The following RABGAP1L variants were observed in gnomAD, a reference collection of about 807,000 sequenced individuals.
RABGAP1L encodes RAB GTPase activating protein 1 like.
Under a neutral mutation model 137.7 loss-of-function variants are expected in RABGAP1L, and 63 were observed. That is an observed-to-expected ratio of 0.46 (90% confidence interval 0.37 to 0.56). The LOEUF is 0.56. Among genes scored for constraint, RABGAP1L ranks in the 20% least tolerant of loss-of-function variants. RABGAP1L has a pLI of 0.00. For missense variants in RABGAP1L, 1,095 were observed against 1,244.0 expected (o/e 0.88, Z 1.80); for synonymous variants, 431 against 433.7 (o/e 0.99, Z 0.08).
At chr1:174,885,459 G>A (rs1654919034) in intron 19 of RABGAP1L, among the ~76,000 whole-genome samples, 1 of 152,154 alleles carries the variant, frequency 6.6e-6, no homozygotes, top group Non-Finnish European at 1.5e-5. Context: ...CTAGGATCAG[G>A]TGATCCTCTC....
chr1:174,630,152 C>T (rs1405458127), intron 13 of RABGAP1L, among the ~76,000 whole-genome samples: 2 of 151,388 alleles, frequency 1.3e-5, no homozygotes, highest in African/African-American at 2.4e-5. Flanking sequence ...TTGAGATAAT[C>T]GTGGTTTTTG....
At chr1:174,349,863 A>AC (rs769557346) in intron 11 of RABGAP1L, among the ~76,000 whole-genome samples, 20,049 of 81,490 alleles carry the variant, frequency 0.25, no homozygotes, top group African/African-American at 0.34. Context: ...CGGGGCGCTG[A>AC]CCCCCCCACC....
rs35881602 is a variant in RABGAP1L, at chr1:174,347,493, G to T, written c.1466-23486G>T. Among the ~76,000 whole-genome samples the T allele has an allele frequency of 2.7e-3, 225 of 82,532 alleles. 1 individual carries two copies. Among genetic ancestry groups the T allele is most frequent in the Non-Finnish European group, 1.6e-3 (66 of 40,080 alleles). 54.1% of individuals were successfully genotyped at this position (82,532 alleles called of 152,430 possible). A position where few individuals can be genotyped will look rare whatever the true frequency, so the allele number is the denominator to read the frequency against. On this transcript the variant is annotated intron_variant, in intron 11 of 25. Transcript: ENST00000681986. ...TCTTTGTGTGTGTGTGTGTGTGTGT[G>T]TGTGTGTTTTTTTCTTTGAGACTGA...
chr1:174,445,186 T>C (rs1446599851), intron 13 of RABGAP1L, among the ~76,000 whole-genome samples: 1 of 152,132 alleles, frequency 6.6e-6, no homozygotes, highest in Non-Finnish European at 1.5e-5. Flanking sequence ...TCTGACATAA[T>C]TTGTAAATTA....
At chr1:174,708,904 A>G (rs1207570242) in intron 17 of RABGAP1L, among the ~76,000 whole-genome samples, 1 of 152,178 alleles carries the variant, frequency 6.6e-6, no homozygotes, top group African/African-American at 2.4e-5. Context: ...ATGGCATCCA[A>G]CAAGCTAAGA....
chr1:174,180,509 C>T (rs1666264690), intron 1 of RABGAP1L, among the ~76,000 whole-genome samples: 1 of 152,130 alleles, frequency 6.6e-6, no homozygotes, highest in South Asian at 2.1e-4. Context: ...CTGTCACCTA[C>T]CTTAGAGTAC....
At chr1:174,677,426 A>C (rs947354157) in intron 14 of RABGAP1L, among the ~76,000 whole-genome samples, 67 of 152,342 alleles carry the variant, frequency 4.4e-4, no homozygotes, top group African/African-American at 1.6e-3. Flanking sequence ...TCTGTTACAA[A>C]TTACTGGAGG....
chr1:174,803,403 G>C lies in RABGAP1L; in HGVS notation c.2212-8429G>C, dbSNP rs1356208154. ...CATTCACCAAACATGTTTTTCTTTT[G>C]TGAAATTAAAATACTGAAACAGGAG... On this transcript the variant is annotated intron_variant, in intron 18 of 25. Coordinates refer to ENST00000681986, the MANE Select transcript of RABGAP1L (RefSeq NM_001366446.1). 2.0e-5 allele frequency among the ~76,000 whole-genome samples: 3 copies of C among 152,084 alleles called. No individual in the cohort carries two copies. The East Asian group carries it at 5.8e-4, about 29-fold the overall frequency.
intron 10 of RABGAP1L, among the ~76,000 whole-genome samples, chr1:174,298,882 C>T (rs553784706): frequency 2.6e-5 from 4 of 152,210 alleles, no homozygotes; most frequent in Non-Finnish European, 5.9e-5. Flanking sequence ...GTACATTACC[C>T]ATCCCTTTTG....
At chr1:174,829,819 A>AT (rs1029201256) in intron 19 of RABGAP1L, among the ~76,000 whole-genome samples, 1 of 148,410 alleles carries the variant, frequency 6.7e-6, no homozygotes, top group East Asian at 2.1e-4. Flanking sequence ...TTGATGTACA[A>AT]TTTTTTATGC....
At chr1:174,527,535 G>A (rs923980524) in intron 13 of RABGAP1L, among the ~76,000 whole-genome samples, 4 of 152,108 alleles carry the variant, frequency 2.6e-5, no homozygotes, top group African/African-American at 9.7e-5. Flanking sequence ...AATTTATTGA[G>A]ACTTGTTTTG....
At chr1:174,451,180 G>A (rs1342527608) in intron 13 of RABGAP1L, among the ~76,000 whole-genome samples, 1 of 152,138 alleles carries the variant, frequency 6.6e-6, no homozygotes, top group Non-Finnish European at 1.5e-5. Flanking sequence ...TGGTTTAAAT[G>A]TGCCTTTTAA....
At chr1:174,624,607 A>C (rs1394440803) in intron 13 of RABGAP1L, among the ~76,000 whole-genome samples, 1 of 152,170 alleles carries the variant, frequency 6.6e-6, no homozygotes, top group African/African-American at 2.4e-5. Context: ...TATACTTATA[A>C]ATTTCTGAGG....
chr1:174,767,328 G>GT (rs1290612909), intron 18 of RABGAP1L, among the ~76,000 whole-genome samples: 3 of 152,046 alleles, frequency 2.0e-5, no homozygotes, highest in Admixed American at 6.6e-5. Context: ...TGAACATGAG[G>GT]TTTTTTCACA....
intron 21 of RABGAP1L, among the ~76,000 whole-genome samples, chr1:174,973,365 T>A (rs1670319330): frequency 6.6e-6 from 1 of 151,582 alleles, no homozygotes; most frequent in African/African-American, 2.4e-5. Flanking sequence ...CCCCCTTTTC[T>A]TTTCTTTTTC....
chr1:174,930,359 C>T (rs1021075724), intron 19 of RABGAP1L, among the ~76,000 whole-genome samples: 3 of 150,302 alleles, frequency 2.0e-5, no homozygotes, highest in African/African-American at 7.4e-5. Flanking sequence ...CAGGATCTTG[C>T]TGTGTTACCC....
chr1:174,745,680 T>C (rs1362607888), intron 17 of RABGAP1L, among the ~76,000 whole-genome samples: 1 of 152,190 alleles, frequency 6.6e-6, no homozygotes, highest in Non-Finnish European at 1.5e-5. Flanking sequence ...GTGAAAAATA[T>C]AAAATACTGG....
intron 1 of RABGAP1L, among the ~76,000 whole-genome samples, chr1:174,186,533 T>G (rs1369282438): frequency 6.6e-6 from 1 of 152,208 alleles, no homozygotes; most frequent in Non-Finnish European, 1.5e-5. Context: ...TATAGATCCC[T>G]GCTCCCCTTC....
At chr1:174,575,102 G>A (rs1270204605) in intron 13 of RABGAP1L, among the ~76,000 whole-genome samples, 4 of 152,038 alleles carry the variant, frequency 2.6e-5, no homozygotes, top group Non-Finnish European at 4.4e-5. Flanking sequence ...GGCTAATTTT[G>A]TATTTTTAGT....
Sources: gnomAD v4.1 joint callset for allele counts (sites outside exome capture counted in the v4.1 genomes callset) on GRCh38, gnomAD v4.1.1 for gene constraint, MANE v1.5 for transcripts, NCBI Gene and HGNC (gene_info 2026-07-23, HGNC 2026-07-21) for gene names.